DTNB: variants seen among roughly 807,000 people sequenced by gnomAD.
DTNB encodes DTN-B.
Under a neutral mutation model 90.7 loss-of-function variants are expected in DTNB, and 63 were observed. That is an observed-to-expected ratio of 0.69 (90% CI 0.57 to 0.86). The LOEUF (loss-of-function observed/expected upper bound fraction) is 0.86, where lower values mean the gene tolerates loss of function less well. Ranked by LOEUF, DTNB falls within the 40% of genes least tolerant of loss-of-function variation. The probability of loss-of-function intolerance (pLI) is 0.00; values close to 1 mark genes in which losing one functional copy is unlikely to be tolerated. For synonymous variants in DTNB, 277 were observed against 286.7 expected, an observed-to-expected ratio of 0.97 and a Z score of 0.34; for missense variants, 744 against 807.1, an observed-to-expected ratio of 0.92 and a Z score of 0.95.
intron 9 of DTNB, among the ~76,000 whole-genome samples, chr2:25,502,863 T>C (rs1233585621): frequency 1.4e-5 from 2 of 141,534 alleles, no homozygotes; most frequent in Admixed American, 7.2e-5. Flanking sequence ...TCCAGCCTGG[T>C]TGACAGAGCA....
chr2:25,426,117 A>G (rs1333481404), intron 15 of DTNB, among the ~76,000 whole-genome samples: 1 of 152,176 alleles, frequency 6.6e-6, no homozygotes, highest in Non-Finnish European at 1.5e-5. Flanking sequence ...TAATATAGTG[A>G]AGTTACTGAT....
intron 16 of DTNB, among the ~76,000 whole-genome samples, chr2:25,405,358 T>C (rs1192714539): frequency 6.6e-6 from 1 of 152,074 alleles, no homozygotes; most frequent in Non-Finnish European, 1.5e-5. Flanking sequence ...CTGACCAACA[T>C]GGTGAAACCC....
At chr2:25,433,793 C>G in intron 13 of DTNB, 117 bp downstream of exon 13, 1 of 1,183,122 alleles carries the variant, frequency 8.5e-7, no homozygotes, top group Non-Finnish European at 1.2e-6. Context: ...CCTAGGTTCA[C>G]TGAGGCAAGG....
intron 4 of DTNB, among the ~76,000 whole-genome samples, chr2:25,623,882 C>T (rs1453477239): frequency 2.6e-5 from 4 of 152,166 alleles, no homozygotes; most frequent in Non-Finnish European, 5.9e-5. Context: ...TCAAAGGCCC[C>T]CTGCAACCAT....
intron 6 of DTNB, among the ~76,000 whole-genome samples, chr2:25,589,367 CTTT>C (rs1169808182): frequency 0.02 from 1,125 of 57,268 alleles, 17 homozygotes; most frequent in African/African-American, 0.086. Context: ...TTTTTCTTTT[CTTT>C]TTTTTTTTTT....
At chr2:25,658,074 T>A (rs1260500518) in intron 1 of DTNB, among the ~76,000 whole-genome samples, 2 of 152,044 alleles carry the variant, frequency 1.3e-5, no homozygotes, top group East Asian at 3.9e-4. Flanking sequence ...CTGGCTAACA[T>A]GGCGAAACCC....
At chr2:25,591,197 G>A (rs187061434) in intron 6 of DTNB, among the ~76,000 whole-genome samples, 1 of 152,188 alleles carries the variant, frequency 6.6e-6, no homozygotes, top group African/African-American at 2.4e-5. Flanking sequence ...GCCTGCAGGG[G>A]CAAGGGCAGC....
At chr2:25,618,337 A>G (rs1412229357) in intron 4 of DTNB, among the ~76,000 whole-genome samples, 1 of 152,162 alleles carries the variant, frequency 6.6e-6, no homozygotes, top group Non-Finnish European at 1.5e-5. Flanking sequence ...TCTTCTTGGA[A>G]GAACTCATTC....
intron 8 of DTNB, among the ~76,000 whole-genome samples, chr2:25,551,129 C>G (rs1277720416): frequency 1.3e-5 from 2 of 152,200 alleles, no homozygotes; most frequent in Non-Finnish European, 2.9e-5. Context: ...TTTTAGTTAA[C>G]TCATTTGTTC....
chr2:25,428,430 G>A (rs2052618256), intron 14 of DTNB, among the ~76,000 whole-genome samples: 1 of 150,004 alleles, frequency 6.7e-6, no homozygotes. Context: ...GATTAATCCT[G>A]CTTTCTTTTT....
intron 1 of DTNB, among the ~76,000 whole-genome samples, chr2:25,673,113 G>A (rs1032897010): frequency 7.9e-5 from 12 of 151,684 alleles, no homozygotes; most frequent in African/African-American, 2.9e-4. Context: ...GTGCCCCGGC[G>A]CGTTCCGGAC....
intron 8 of DTNB, among the ~76,000 whole-genome samples, chr2:25,557,660 G>C (rs1050165878): frequency 2.0e-4 from 30 of 152,298 alleles, no homozygotes; most frequent in African/African-American, 7.0e-4. Context: ...GAAGGCCTGG[G>C]ACTTTGTATA....
At chr2:25,599,004 T>TA (rs1489605690) in intron 5 of DTNB, 1 of 151,670 alleles carries the variant, frequency 6.6e-6, no homozygotes, top group Non-Finnish European at 1.5e-5. Context: ...TCAAGGCAAT[T>TA]AGACTGTTAA....
At chr2:25,444,112 G>C (rs780319065) in intron 12 of DTNB, among the ~76,000 whole-genome samples, 10 of 151,796 alleles carry the variant, frequency 6.6e-5, no homozygotes, top group Non-Finnish European at 1.2e-4. Flanking sequence ...TTTTTTATAA[G>C]GGAAAAAAAA....
At position 25,414,226 on chromosome 2, in the gene DTNB, T is replaced by C. The variant is rs190701579; in HGVS notation, c.1575+5289A>G. 1.6e-3 allele frequency among the ~76,000 whole-genome samples: 247 copies of C among 152,284 alleles called. 1 individual carries two copies. Among genetic ancestry groups the C allele is most frequent in the African/African-American group, 5.4e-3 (225 of 41,558 alleles). On this transcript the variant is annotated intron_variant, in intron 16 of 20. Transcript: ENST00000406818. ...CAAAAATTTTCTCCCATTCTGTAGGTTGCCTGTTCACTCTGATGGTAGTTT... is the reference window on the plus strand; with the variant it reads ...CAAAAATTTTCTCCCATTCTGTAGGCTGCCTGTTCACTCTGATGGTAGTTT...
At chr2:25,593,973 A>G (rs567300615) in intron 6 of DTNB, among the ~76,000 whole-genome samples, 1 of 152,212 alleles carries the variant, frequency 6.6e-6, no homozygotes, top group Non-Finnish European at 1.5e-5. Flanking sequence ...GTGAAAAGCC[A>G]TGTATACACC....
rs544243784 is a variant in DTNB, at chr2:25,552,841, ATTTTTTTTTTTTTTTT to A, written c.877-21260_877-21245del. ...GAAAATTATATAATTTCTCTTTTTG[ATTTTTTTTTTTTTTTT>A]TTTTTTTTTTTTTTGAGACGGAGTC... On this transcript the variant is annotated intron_variant, in intron 8 of 20. Transcript: ENST00000406818. Among the ~76,000 whole-genome samples the A allele has an allele frequency of 1.9e-4, 16 of 86,034 alleles. No individual in the cohort carries two copies. In the South Asian group the frequency reaches 7.2e-3, roughly 39 times the overall value. The allele number at this position is 86,034 out of a possible 152,430, so 56.4% of individuals were successfully genotyped here. A position where few individuals can be genotyped will look rare whatever the true frequency, so the allele number is the denominator to read the frequency against.
intron 6 of DTNB, among the ~76,000 whole-genome samples, chr2:25,594,657 T>C (rs1367569672): frequency 6.6e-6 from 1 of 152,218 alleles, no homozygotes; most frequent in Non-Finnish European, 1.5e-5. Flanking sequence ...TGTGTTCCTT[T>C]TATAGTTTAC....
At chr2:25,456,021 G>A (rs1323599836) in intron 10 of DTNB, among the ~76,000 whole-genome samples, 1 of 152,082 alleles carries the variant, frequency 6.6e-6, no homozygotes, top group East Asian at 1.9e-4. Context: ...CATAAAACTG[G>A]TACCCATCCC....
Sources: gnomAD v4.1 joint callset for allele counts (sites outside exome capture counted in the v4.1 genomes callset) on GRCh38, gnomAD v4.1.1 for gene constraint, MANE v1.5 for transcripts, NCBI Gene and HGNC (gene_info 2026-07-23, HGNC 2026-07-21) for gene names.